SEC23IP: variants seen among roughly 807,000 people sequenced by gnomAD.
SEC23IP encodes the protein SEC23-interacting protein.
Under a neutral mutation model 113.4 loss-of-function variants are expected in SEC23IP, and 70 were observed. The observed-to-expected ratio is 0.62, with a 90% CI of 0.51 to 0.75. SEC23IP has a LOEUF of 0.75. SEC23IP is among the 30% of genes least tolerant of loss of function. The pLI, the probability that SEC23IP is intolerant of heterozygous loss-of-function variation, is 0.00. For missense variants in SEC23IP, 1,160 were observed against 1,204.9 expected (o/e 0.96, Z 0.55); for synonymous variants, 398 against 421.0 (o/e 0.95, Z 0.67).
chr10:119,939,265 G>A (rs1254825402), intron 18 of SEC23IP, among the ~76,000 whole-genome samples: 4 of 152,156 alleles, frequency 2.6e-5, no homozygotes, highest in Admixed American at 6.5e-5. Flanking sequence ...GCTGCAGTGA[G>A]CTGTGATCGT....
chr10:119,898,224 T>G, intron 1 of SEC23IP: 1 of 954,262 alleles, frequency 1.0e-6, no homozygotes, highest in Non-Finnish European at 1.4e-6. Flanking sequence ...CTCTTATGTT[T>G]TCTTATTCAT....
At chr10:119,899,394 C>G (rs1441648851) in intron 2 of SEC23IP, among the ~76,000 whole-genome samples, 4 of 152,182 alleles carry the variant, frequency 2.6e-5, no homozygotes, top group African/African-American at 9.7e-5. Context: ...GGATCTAGAT[C>G]AGTCAAACTC....
At position 119,910,279 on chromosome 10, in the gene SEC23IP, A is replaced by G. The variant is rs546052584; in HGVS notation, c.1191+1149A>G. Among the ~76,000 whole-genome samples, 8 of 152,118 alleles carry G rather than the reference A, an allele frequency of 5.3e-5. No homozygotes were observed. In the East Asian group the frequency reaches 1.4e-3, roughly 26 times the overall value. On this transcript the variant is annotated intron_variant, in intron 5 of 18. Coordinates refer to ENST00000369075, the MANE Select transcript of SEC23IP (RefSeq NM_007190.4). The stretch of plus-strand genomic sequence containing the variant: ...TTTTCTTTTTATTTTTATCGTCTCT[A>G]TGAGTTTATCTTGTTTTTAAAAAAA...
At chr10:119,940,409 G>A (rs1043500356) in intron 18 of SEC23IP, among the ~76,000 whole-genome samples, 177 bp from the exon 19 acceptor site, 7 of 151,354 alleles carry the variant, frequency 4.6e-5, no homozygotes, top group African/African-American at 1.2e-4. Flanking sequence ...GGATGGTCTC[G>A]ATTTCCTGAC....
At position 119,901,047 on chromosome 10, in the gene SEC23IP, G is replaced by T. The variant is rs370357952; in HGVS notation, c.697-1752G>T. On this transcript the variant is annotated intron_variant, in intron 2 of 18. Transcript: ENST00000369075. ...TCTTTTTTTTTTTTTTAAAGAGTGG[G>T]GGGGGGGTCTTGCTCTGTCATCCAG... is the stretch of plus-strand genomic sequence containing the variant. Among the ~76,000 whole-genome samples the T allele has an allele frequency of 5.8e-4, 74 of 128,362 alleles. 3 individuals are homozygous for T. Among genetic ancestry groups the T allele is most frequent in the Admixed American group, 4.2e-3 (57 of 13,412 alleles). 84.2% of individuals were successfully genotyped at this position (128,362 alleles called of 152,430 possible).
In SEC23IP at chr10:119,898,549, A is replaced by G. The variant is rs1297951933; in HGVS notation, c.286A>G (p.Ile96Val). 3.7e-6 allele frequency: 6 copies of G among 1,614,060 alleles called. No individual in the cohort carries two copies. Among genetic ancestry groups the G allele is most frequent in the African/African-American group, 2.7e-5 (2 of 74,932 alleles). Residue 96 changes from isoleucine (I) to valine (V), a missense_variant, in exon 2 of 19, where the codon ATT becomes GTT. Ile to Val is a conservative substitution (Grantham distance 29). Coordinates refer to ENST00000369075, the MANE Select transcript of SEC23IP (RefSeq NM_007190.4). ...AAGCAGCAGTGATCCTTTTGGGAAT[A>G]TTGGACAGTCACCATTAACAACTGC... The part of the protein sequence containing the change: ...VSSSSDPFGN[I>V]GQSPLTTAAT...
At chr10:119,923,022 A>AC (rs2134506859) in intron 12 of SEC23IP, among the ~76,000 whole-genome samples, 1 of 152,104 alleles carries the variant, frequency 6.6e-6, no homozygotes, top group African/African-American at 2.4e-5. Context: ...AACAAAAAAA[A>AC]CAAGAAATGA....
intron 6 of SEC23IP, among the ~76,000 whole-genome samples, chr10:119,913,084 G>A (rs1055228059): frequency 5.9e-5 from 9 of 151,938 alleles, no homozygotes; most frequent in Admixed American, 1.3e-4. Context: ...ACTTCCCCCC[G>A]ACCCTTCCCA....
intron 18 of SEC23IP, among the ~76,000 whole-genome samples, chr10:119,937,853 T>C (rs1240594460): frequency 2.0e-5 from 3 of 152,210 alleles, no homozygotes; most frequent in African/African-American, 7.2e-5. Flanking sequence ...ATTTTTATCA[T>C]ATGCCAAATA....
At chr10:119,936,176 T>C (rs531156181) in intron 18 of SEC23IP, among the ~76,000 whole-genome samples, 74 of 152,348 alleles carry the variant, frequency 4.9e-4, no homozygotes, top group Non-Finnish European at 8.7e-4. Flanking sequence ...AACTCTGATA[T>C]GTAGTTTTAC....
intron 7 of SEC23IP, 92 bp downstream of exon 7, chr10:119,914,911 GTAC>G: frequency 8.5e-7 from 1 of 1,182,948 alleles, no homozygotes; most frequent in South Asian, 1.3e-5. Flanking sequence ...TCCCAGCTGT[GTAC>G]TACTTGCTGA....
At position 119,898,560 on chromosome 10, in the gene SEC23IP, A is replaced by G. The variant is rs1854363316; in HGVS notation, c.297A>G (p.Ser99=). 4 of 1,614,048 alleles carry G rather than the reference A, an allele frequency of 2.5e-6. No individual in the cohort carries two copies. Among genetic ancestry groups the G allele is most frequent in the Non-Finnish European group, 2.5e-6 (3 of 1,180,032 alleles). ...ATCCTTTTGGGAATATTGGACAGTC[A>G]CCATTAACAACTGCAGCAACCTCAG... ...SSDPFGNIGQ[S]PLTTAATSVG... Residue 99 remains serine, a synonymous_variant, in exon 2 of 19, where the codon TCA becomes TCG. Coordinates refer to ENST00000369075, the MANE Select transcript of SEC23IP (RefSeq NM_007190.4).
intron 17 of SEC23IP, among the ~76,000 whole-genome samples, 176 bp downstream of exon 17, chr10:119,933,343 G>A (rs1855670048): frequency 6.6e-6 from 1 of 152,188 alleles, no homozygotes; most frequent in African/African-American, 2.4e-5. Context: ...ATGGCAGTAT[G>A]TCATCTGCTT....
intron 18 of SEC23IP, among the ~76,000 whole-genome samples, chr10:119,937,428 C>G (rs1788175833): frequency 6.6e-6 from 1 of 151,712 alleles, no homozygotes; most frequent in Admixed American, 6.6e-5. Flanking sequence ...GAGGTTGAGA[C>G]CAGCCTGGCC....
intron 13 of SEC23IP, 130 bp from the exon 14 acceptor site, chr10:119,929,477 G>A (rs907411138): frequency 1.6e-5 from 11 of 672,918 alleles, no homozygotes; most frequent in Middle Eastern, 4.2e-4. Flanking sequence ...CTCGTGATCC[G>A]CCCACCTTGG....
chr10:119,932,352 A>G (rs1420198642), intron 16 of SEC23IP, 34 bp downstream of exon 16: 5 of 1,489,494 alleles, frequency 3.4e-6, no homozygotes, highest in Non-Finnish European at 2.8e-6. Context: ...TTCTAATACA[A>G]ATGTTTCATA....
intron 4 of SEC23IP, 64 bp from the exon 5 acceptor site, chr10:119,908,977 A>C: frequency 9.2e-7 from 1 of 1,088,060 alleles, no homozygotes; most frequent in South Asian, 1.4e-5. Context: ...GTTTTCCTCC[A>C]TACTTTCTCT....
At chr10:119,935,317 C>T (rs1183136220) in intron 18 of SEC23IP, among the ~76,000 whole-genome samples, 1 of 152,148 alleles carries the variant, frequency 6.6e-6, no homozygotes, top group South Asian at 2.1e-4. Flanking sequence ...AAAAATTAGC[C>T]GGGCATGGTA....
chr10:119,922,131 T>C (rs1855269126), intron 12 of SEC23IP, among the ~76,000 whole-genome samples: 1 of 152,112 alleles, frequency 6.6e-6, no homozygotes, highest in East Asian at 1.9e-4. Context: ...GCGTGCTGTG[T>C]GTGCTGTCCT....
Sources: gnomAD v4.1 joint callset for allele counts (sites outside exome capture counted in the v4.1 genomes callset) on GRCh38, gnomAD v4.1.1 for gene constraint, MANE v1.5 for transcripts, NCBI Gene and HGNC (gene_info 2026-07-23, HGNC 2026-07-21) for gene names.